NOX4: variants seen among roughly 807,000 people sequenced by gnomAD.
NOX4 encodes kidney oxidase-1.
A neutral mutation model predicts 87.6 loss-of-function variants in NOX4; 69 were observed. The ratio of observed to expected loss-of-function variants is 0.79; its 90% confidence interval spans 0.65 to 0.96. The LOEUF is 0.96. Among genes scored for constraint, NOX4 ranks in the 40% least tolerant of loss-of-function variants. The pLI, the probability that NOX4 is intolerant of heterozygous loss-of-function variation, is 0.00. For missense variants in NOX4, 680 were observed against 681.5 expected (o/e 1.00, Z 0.02); for synonymous variants, 275 against 238.2 (o/e 1.15, Z -1.42).
the NOX4 span, among the ~76,000 whole-genome samples, chr11:89,518,201 T>C: frequency 6.6e-6 from 1 of 151,988 alleles, no homozygotes; most frequent in Non-Finnish European, 1.5e-5. Flanking sequence ...AAAGAAAAAT[T>C]AAACCTATTT....
intron 5 of NOX4, 175 bp downstream of exon 5, chr11:89,443,960 G>A: frequency 1.7e-6 from 1 of 572,578 alleles, no homozygotes; most frequent in Non-Finnish European, 3.1e-6. Context: ...GAGACACTAT[G>A]AAATAGTAAT....
At chr11:89,443,035 C>T (rs1448464541) in intron 5 of NOX4, among the ~76,000 whole-genome samples, 1 of 152,060 alleles carries the variant, frequency 6.6e-6, no homozygotes, top group Admixed American at 6.6e-5. Flanking sequence ...CACTGGCCTG[C>T]TAAGGAGCGG....
chr11:89,585,927 T>C, the NOX4 span, among the ~76,000 whole-genome samples: 1 of 152,194 alleles, frequency 6.6e-6, no homozygotes, highest in African/African-American at 2.4e-5. Flanking sequence ...TCACTGAATA[T>C]AAACATTTCC....
the NOX4 span, among the ~76,000 whole-genome samples, chr11:89,539,540 C>T: frequency 2.0e-5 from 3 of 152,096 alleles, no homozygotes; most frequent in Non-Finnish European, 4.4e-5. Context: ...TTTCTCTTTT[C>T]CCATTGGCTC....
At chr11:89,528,896 T>A in the NOX4 span, among the ~76,000 whole-genome samples, 2 of 152,232 alleles carry the variant, frequency 1.3e-5, no homozygotes, top group Admixed American at 1.3e-4. Flanking sequence ...ACTTGAATTA[T>A]GCTGGATACT....
At chr11:89,582,523 C>T in the NOX4 span, among the ~76,000 whole-genome samples, 1 of 152,090 alleles carries the variant, frequency 6.6e-6, no homozygotes, top group African/African-American at 2.4e-5. Flanking sequence ...TTCCCTATTC[C>T]CCACAAAACT....
intron 2 of NOX4, among the ~76,000 whole-genome samples, chr11:89,488,431 T>C (rs564336579): frequency 3.9e-5 from 6 of 152,230 alleles, no homozygotes; most frequent in Non-Finnish European, 8.8e-5. Flanking sequence ...TGGTTTATGT[T>C]TCTGTGCATA....
intron 12 of NOX4, among the ~76,000 whole-genome samples, chr11:89,357,984 A>T (rs1460468113): frequency 1.3e-5 from 2 of 152,144 alleles, no homozygotes; most frequent in Non-Finnish European, 2.9e-5. Flanking sequence ...ATAAAGCTAT[A>T]AGGAAACCTA....
chr11:89,346,347 A>T (rs1946215199), intron 13 of NOX4, among the ~76,000 whole-genome samples: 1 of 152,158 alleles, frequency 6.6e-6, no homozygotes, highest in African/African-American at 2.4e-5. Context: ...AGGAGTCCCC[A>T]TAAAATAATC....
intron 8 of NOX4, among the ~76,000 whole-genome samples, chr11:89,407,311 T>C (rs1272741810): frequency 6.6e-6 from 1 of 152,126 alleles, no homozygotes; most frequent in Non-Finnish European, 1.5e-5. Context: ...TAGTGAATGG[T>C]AAACAGAGAG....
At chr11:89,380,598 C>T (rs987069676) in intron 11 of NOX4, among the ~76,000 whole-genome samples, 1 of 151,998 alleles carries the variant, frequency 6.6e-6, no homozygotes, top group Admixed American at 6.6e-5. Flanking sequence ...AAATTAAGCT[C>T]AATATTCAAT....
At chr11:89,548,249 C>T in the NOX4 span, 1 of 151,954 alleles carries the variant, frequency 6.6e-6, no homozygotes, top group Admixed American at 6.6e-5. Flanking sequence ...AGAGTTGAGC[C>T]CTCATTAATG....
rs1317204936 is a variant in NOX4, at chr11:89,474,084, G to A, written c.153+16374C>T. ...CTAGTGCAGTTGTTGGGAAAATAAC[G>A]TTTAGTTTGGTGCAAAATTAATTGC... On this transcript the variant is annotated intron_variant, in intron 2 of 17. Coordinates refer to ENST00000263317, the MANE Select transcript of NOX4 (RefSeq NM_016931.5). 7.2e-5 allele frequency among the ~76,000 whole-genome samples: 11 copies of A among 152,200 alleles called. No individual in the cohort carries two copies. In the East Asian group the frequency reaches 7.7e-4, roughly 11 times the overall value.
At chr11:89,342,866 C>T (rs968908690) in intron 13 of NOX4, among the ~76,000 whole-genome samples, 2 of 152,134 alleles carry the variant, frequency 1.3e-5, no homozygotes, top group African/African-American at 4.8e-5. Context: ...TCCTTCTTAA[C>T]TGCAATAGAA....
chr11:89,413,507 G>A (rs1047747007), intron 8 of NOX4, among the ~76,000 whole-genome samples: 1 of 152,052 alleles, frequency 6.6e-6, no homozygotes, highest in African/African-American at 2.4e-5. Flanking sequence ...ACAAAAAGGA[G>A]ATCCTCTCAT....
the NOX4 span, chr11:89,548,599 C>T: frequency 6.6e-6 from 1 of 152,064 alleles, no homozygotes; most frequent in Admixed American, 6.6e-5. Context: ...AAAATGAGGC[C>T]TAGACAGTGA....
chr11:89,405,252 T>C (rs1212748585), intron 8 of NOX4, among the ~76,000 whole-genome samples: 3 of 152,104 alleles, frequency 2.0e-5, no homozygotes, highest in East Asian at 1.9e-4. Flanking sequence ...GTTGTTACTA[T>C]ACAGTAAAGT....
At chr11:89,517,335 T>C in the NOX4 span, among the ~76,000 whole-genome samples, 1 of 152,122 alleles carries the variant, frequency 6.6e-6, no homozygotes, top group Non-Finnish European at 1.5e-5. Flanking sequence ...TTTTAAGTTA[T>C]TTGGTTGACC....
At chr11:89,523,642 A>G in the NOX4 span, among the ~76,000 whole-genome samples, 3 of 152,214 alleles carry the variant, frequency 2.0e-5, no homozygotes, top group African/African-American at 7.2e-5. Context: ...AGAGAAAATG[A>G]AAACATGTCC....
Sources: allele counts gnomAD v4.1 joint callset (sites outside exome capture counted in the v4.1 genomes callset), GRCh38; gene constraint gnomAD v4.1.1; transcripts MANE v1.5; gene names NCBI Gene and HGNC (gene_info 2026-07-23, HGNC 2026-07-21).